ME3: variants seen among roughly 807,000 people sequenced by gnomAD.
ME3 encodes malic enzyme 3, also known as NADP-dependent malic enzyme, mitochondrial.
In ME3, 48 loss-of-function variants were observed where a neutral mutation model predicts 68.9. The observed-to-expected ratio is 0.70, with a 90% CI of 0.55 to 0.89. The LOEUF (loss-of-function observed/expected upper bound fraction) is 0.89. Among genes scored for constraint, ME3 ranks in the 40% least tolerant of loss-of-function variants. ME3 has a pLI of 0.00. For synonymous variants in ME3, 320 were observed against 318.8 expected (o/e 1.00, Z -0.04); for missense variants, 675 against 797.4 (o/e 0.85, Z 1.85).
chr11:86,664,796 T>C (rs1308501430), intron 2 of ME3, among the ~76,000 whole-genome samples: 2 of 152,210 alleles, frequency 1.3e-5, no homozygotes, highest in Non-Finnish European at 2.9e-5. Flanking sequence ...ATTGTCCTTG[T>C]CCACCTCTGG....
intron 6 of ME3, 50 bp from the exon 7 acceptor site, chr11:86,487,490 T>C: frequency 1.4e-6 from 2 of 1,475,452 alleles, no homozygotes; most frequent in Non-Finnish European, 1.9e-6. Context: ...TGTTCCTGTT[T>C]TTTTTTTTTC....
chr11:86,459,233 G>A (rs1208105765), intron 8 of ME3, among the ~76,000 whole-genome samples: 1 of 152,170 alleles, frequency 6.6e-6, no homozygotes, highest in Non-Finnish European at 1.5e-5. Flanking sequence ...ACAATGGGCT[G>A]GAATAATAGG....
intron 2 of ME3, among the ~76,000 whole-genome samples, chr11:86,619,536 G>A (rs1234524248): frequency 6.6e-6 from 1 of 152,186 alleles, no homozygotes; most frequent in Non-Finnish European, 1.5e-5. Flanking sequence ...TCACAGGAGG[G>A]GTTTCCCCCA....
chr11:86,653,005 T>G (rs1020524368), intron 2 of ME3, among the ~76,000 whole-genome samples: 13 of 151,534 alleles, frequency 8.6e-5, no homozygotes, highest in African/African-American at 3.2e-4. Flanking sequence ...AGAAGGCCAT[T>G]ACATAATGGT....
intron 2 of ME3, among the ~76,000 whole-genome samples, chr11:86,595,280 TATATACATATAC>T (rs904258062): frequency 9.2e-6 from 1 of 109,004 alleles, no homozygotes; most frequent in Non-Finnish European, 1.8e-5. Flanking sequence ...ATTTTACATA[TATATACATATAC>T]ATATATATAT....
intron 4 of ME3, among the ~76,000 whole-genome samples, chr11:86,532,417 T>C (rs1456097535): frequency 6.6e-6 from 1 of 152,160 alleles, no homozygotes; most frequent in Non-Finnish European, 1.5e-5. Flanking sequence ...GAATACACAT[T>C]CTTCTCCAAT....
intron 2 of ME3, among the ~76,000 whole-genome samples, chr11:86,654,811 C>T: frequency 6.6e-6 from 1 of 152,188 alleles, no homozygotes; most frequent in Non-Finnish European, 1.5e-5. Context: ...CAAATTGTCC[C>T]TGTTTGCAGA....
chr11:86,603,626 C>T (rs1183807681), intron 2 of ME3, among the ~76,000 whole-genome samples: 3 of 152,096 alleles, frequency 2.0e-5, no homozygotes, highest in East Asian at 1.9e-4. Context: ...AATCATGCTG[C>T]TATAAAGACA....
At chr11:86,572,175 G>T (rs1316934642) in intron 2 of ME3, among the ~76,000 whole-genome samples, 1 of 152,174 alleles carries the variant, frequency 6.6e-6, no homozygotes, top group African/African-American at 2.4e-5. Context: ...GCTGGGTTTT[G>T]CTGGGCTTTG....
chr11:86,518,448 C>G (rs891488596), intron 4 of ME3, among the ~76,000 whole-genome samples: 1 of 152,298 alleles, frequency 6.6e-6, no homozygotes, highest in African/African-American at 2.4e-5. Flanking sequence ...AGTGACTCCC[C>G]TAGGAAATTT....
At chr11:86,530,690 T>C (rs574675447) in intron 4 of ME3, among the ~76,000 whole-genome samples, 1 of 152,248 alleles carries the variant, frequency 6.6e-6, no homozygotes, top group African/African-American at 2.4e-5. Context: ...TCAGAAATAA[T>C]GCTGCTTATC....
chr11:86,541,295 G>C (rs1173740678), intron 4 of ME3, among the ~76,000 whole-genome samples: 1 of 152,122 alleles, frequency 6.6e-6, no homozygotes, highest in South Asian at 2.1e-4. Flanking sequence ...ACCAGTGAGA[G>C]AACCGTTCAC....
At chr11:86,660,097 G>T (rs536927690) in intron 2 of ME3, among the ~76,000 whole-genome samples, 110 of 152,290 alleles carry the variant, frequency 7.2e-4, no homozygotes, top group African/African-American at 2.6e-3. Flanking sequence ...TCAGGCAAAT[G>T]TCTAGATTAT....
intron 2 of ME3, among the ~76,000 whole-genome samples, chr11:86,637,191 C>G (rs1166464506): frequency 6.6e-6 from 1 of 152,146 alleles, no homozygotes; most frequent in Non-Finnish European, 1.5e-5. Flanking sequence ...TCTCCATTAA[C>G]TCATTCAGTT....
intron 2 of ME3, among the ~76,000 whole-genome samples, chr11:86,646,651 T>A (rs1298004756): frequency 1.3e-5 from 2 of 152,110 alleles, no homozygotes; most frequent in Non-Finnish European, 2.9e-5. Flanking sequence ...CAGGAGAACT[T>A]CCCCAACTTA....
intron 2 of ME3, among the ~76,000 whole-genome samples, chr11:86,645,609 G>A (rs900829816): frequency 6.6e-6 from 1 of 152,166 alleles, no homozygotes; most frequent in Non-Finnish European, 1.5e-5. Flanking sequence ...GGGAAAGGGT[G>A]GCTGTGGGTG....
chr11:86,528,813 A>G (rs1222918329), intron 4 of ME3, among the ~76,000 whole-genome samples: 2 of 152,184 alleles, frequency 1.3e-5, no homozygotes, highest in African/African-American at 2.4e-5. Context: ...ACCAACGAGA[A>G]CAAAGACACA....
At chr11:86,546,410 A>T (rs1417990270) in intron 4 of ME3, among the ~76,000 whole-genome samples, 1 of 152,202 alleles carries the variant, frequency 6.6e-6, no homozygotes, top group Non-Finnish European at 1.5e-5. Context: ...TTTGCAATCT[A>T]TCCATCTGAC....
chr11:86,470,225 G>T (rs1209700249), intron 7 of ME3, among the ~76,000 whole-genome samples: 5 of 152,098 alleles, frequency 3.3e-5, no homozygotes, highest in Admixed American at 2.6e-4. Flanking sequence ...AGGTGAACTT[G>T]CTCAACCTGC....
Sources: gnomAD v4.1 joint callset for allele counts (sites outside exome capture counted in the v4.1 genomes callset) on GRCh38, gnomAD v4.1.1 for gene constraint, MANE v1.5 for transcripts, NCBI Gene and HGNC (gene_info 2026-07-23, HGNC 2026-07-21) for gene names.